Variants in DOCK3 observed in about 807,000 individuals in gnomAD.
DOCK3 encodes the protein dedicator of cytokinesis protein 3.
A neutral mutation model predicts 265.6 loss-of-function variants in DOCK3; 60 were observed. That is an observed-to-expected ratio of 0.23 (90% confidence interval 0.18 to 0.28). The LOEUF (loss-of-function observed/expected upper bound fraction) is 0.28. Ranked by LOEUF, DOCK3 falls within the 10% of genes least tolerant of loss-of-function variation. The probability of loss-of-function intolerance (pLI) is 1.00; values close to 1 mark genes in which losing one functional copy is unlikely to be tolerated. For synonymous variants in DOCK3, 881 were observed against 938.0 expected (o/e 0.94, Z 1.11); for missense variants, 1,981 against 2,594.3 (o/e 0.76, Z 5.14).
At chr3:51,360,960 A>G (rs1367698240) in intron 47 of DOCK3, among the ~76,000 whole-genome samples, 1 of 152,194 alleles carries the variant, frequency 6.6e-6, no homozygotes, top group South Asian at 2.1e-4. Context: ...GCCTCAAGAT[A>G]TGAACAAGCC....
At chr3:51,368,573 G>T (rs1313784114) in intron 49 of DOCK3, among the ~76,000 whole-genome samples, 1 of 152,198 alleles carries the variant, frequency 6.6e-6, no homozygotes, top group Admixed American at 6.5e-5. Flanking sequence ...GAACTGGGTG[G>T]AGCCCACTGC....
chr3:51,212,728 GC>G (rs2089587125), intron 13 of DOCK3, among the ~76,000 whole-genome samples: 1 of 152,090 alleles, frequency 6.6e-6, no homozygotes, highest in Non-Finnish European at 1.5e-5. Flanking sequence ...CAGTGATTAG[GC>G]TTAAGATAAT....
chr3:50,813,969 T>C (rs929997177), intron 2 of DOCK3, among the ~76,000 whole-genome samples: 6 of 152,148 alleles, frequency 3.9e-5, no homozygotes, highest in Admixed American at 2.0e-4. Context: ...AAATACTAAG[T>C]GCAATGTATC....
At chr3:50,697,225 C>T (rs1367366473) in intron 1 of DOCK3, among the ~76,000 whole-genome samples, 1 of 152,090 alleles carries the variant, frequency 6.6e-6, no homozygotes, top group African/African-American at 2.4e-5. Flanking sequence ...GCCACTGTGC[C>T]TGCCCATAGC....
intron 3 of DOCK3, among the ~76,000 whole-genome samples, chr3:50,876,173 A>G (rs978113930): frequency 2.0e-5 from 3 of 152,162 alleles, no homozygotes; most frequent in Non-Finnish European, 4.4e-5. Flanking sequence ...TTCATGTTAA[A>G]AAACCATTTA....
intron 23 of DOCK3, among the ~76,000 whole-genome samples, chr3:51,262,058 G>A (rs960763263): frequency 1.3e-5 from 2 of 152,198 alleles, no homozygotes; most frequent in African/African-American, 4.8e-5. Context: ...CAGTGCTCGA[G>A]CTCTGCTAAG....
At chr3:50,825,492 G>T (rs1272756682) in intron 2 of DOCK3, among the ~76,000 whole-genome samples, 1 of 152,170 alleles carries the variant, frequency 6.6e-6, no homozygotes, top group East Asian at 1.9e-4. Flanking sequence ...GGCCACTCTT[G>T]TCTCCTCCTG....
At chr3:50,913,226 G>T (rs1422295253) in intron 4 of DOCK3, among the ~76,000 whole-genome samples, 1 of 152,026 alleles carries the variant, frequency 6.6e-6, no homozygotes, top group Non-Finnish European at 1.5e-5. Flanking sequence ...TCTGGCCTGG[G>T]TATGTTTAGT....
At chr3:51,313,858 A>G (rs2083225337) in intron 31 of DOCK3, among the ~76,000 whole-genome samples, 1 of 152,198 alleles carries the variant, frequency 6.6e-6, no homozygotes, top group South Asian at 2.1e-4. Flanking sequence ...ATTTTAACCC[A>G]AAGTTGACTC....
chr3:51,146,729 C>T, intron 10 of DOCK3, 99 bp downstream of exon 10: 2 of 1,050,806 alleles, frequency 1.9e-6, no homozygotes, highest in Non-Finnish European at 2.8e-6. Context: ...AGTCTTATTT[C>T]CATATACACT....
chr3:50,697,929 AATTT>A (rs2035737033), intron 1 of DOCK3, among the ~76,000 whole-genome samples: 1 of 151,970 alleles, frequency 6.6e-6, no homozygotes, highest in South Asian at 2.1e-4. Context: ...AGTTATATAA[AATTT>A]ATTCTCATAG....
chr3:50,782,225 A>C (rs1241754911), intron 2 of DOCK3, among the ~76,000 whole-genome samples: 2 of 150,986 alleles, frequency 1.3e-5, no homozygotes, highest in African/African-American at 2.4e-5. Context: ...GGTTGAACTA[A>C]TTTACACTCC....
intron 26 of DOCK3, among the ~76,000 whole-genome samples, chr3:51,278,769 A>G (rs560140112): frequency 2.6e-5 from 4 of 152,260 alleles, no homozygotes; most frequent in Non-Finnish European, 5.9e-5. Context: ...CATTTTATGT[A>G]GATTATAATG....
intron 1 of DOCK3, among the ~76,000 whole-genome samples, chr3:50,756,709 T>A (rs2040184039): frequency 6.6e-6 from 1 of 152,198 alleles, no homozygotes; most frequent in African/African-American, 2.4e-5. Context: ...ACTTTTGTTG[T>A]CAGTCTTTTT....
chr3:51,147,976 A>G (rs946383261), intron 10 of DOCK3, among the ~76,000 whole-genome samples: 1 of 152,126 alleles, frequency 6.6e-6, no homozygotes, highest in Admixed American at 6.5e-5. Flanking sequence ...AAGCGTTCCT[A>G]TTTCTCCACA....
chr3:51,049,010 T>C (rs1393289821), intron 5 of DOCK3, among the ~76,000 whole-genome samples: 1 of 152,196 alleles, frequency 6.6e-6, no homozygotes, highest in Non-Finnish European at 1.5e-5. Flanking sequence ...CGGTCTCTAC[T>C]TACAATGCTG....
At position 51,375,775 on chromosome 3, in the gene DOCK3, C is replaced by A. The variant is rs1324325526; in HGVS notation, c.5440C>A (p.Gln1814Lys). The change falls in exon 51 of 53, where the codon CAG becomes AAG. Residue 1814 changes from glutamine (Q) to lysine (K), a missense_variant. By Grantham distance (53) the Gln-to-Lys change is moderately conservative. Coordinates refer to ENST00000266037, the MANE Select transcript of DOCK3 (RefSeq NM_004947.5). ...QPPNFQRALF[Q>K]QVVGACKPCS... is the part of the protein sequence containing the mutation. Reference sequence around the variant, plus strand: ...GCCGAATTTCCAGCGAGCCCTGTTCCAGCAAGTGGTCGGAGCCTGCAAACC... The same window carrying A: ...GCCGAATTTCCAGCGAGCCCTGTTCAAGCAAGTGGTCGGAGCCTGCAAACC... 1 of 1,614,002 alleles carries A rather than the reference C, an allele frequency of 6.2e-7. No homozygotes were observed. The highest frequency in any genetic ancestry group is 1.7e-5 in the Admixed American group (1 of 60,028).
chr3:51,164,623 C>CAAAAAAA (rs11399207), intron 12 of DOCK3, among the ~76,000 whole-genome samples: 1 of 106,428 alleles, frequency 9.4e-6, no homozygotes, highest in Admixed American at 1.1e-4. Flanking sequence ...GACTCCGTCT[C>CAAAAAAA]AAAAAAAAAA....
chr3:51,210,492 G>A (rs146872658), intron 13 of DOCK3, among the ~76,000 whole-genome samples: 110 of 152,270 alleles, frequency 7.2e-4, no homozygotes, highest in African/African-American at 2.5e-3. Context: ...CAACCCCCTC[G>A]TTAAATAAAT....
Sources: allele counts gnomAD v4.1 joint callset (sites outside exome capture counted in the v4.1 genomes callset), GRCh38; gene constraint gnomAD v4.1.1; transcripts MANE v1.5; gene names NCBI Gene and HGNC (gene_info 2026-07-23, HGNC 2026-07-21).